ADCY7: variants seen among roughly 807,000 people sequenced by gnomAD.
ADCY7 encodes the protein adenylate cyclase type 7.
Under a neutral mutation model 120.6 loss-of-function variants are expected in ADCY7, and 72 were observed. That is an observed-to-expected ratio of 0.60 (90% CI 0.49 to 0.73). The LOEUF is 0.73. ADCY7 is among the 30% of genes least tolerant of loss of function. ADCY7 has a pLI of 0.00. For missense variants in ADCY7, 1,227 were observed against 1,486.0 expected, an observed-to-expected ratio of 0.83 and a Z score of 2.87; for synonymous variants, 661 against 628.0, an observed-to-expected ratio of 1.05 and a Z score of -0.78.
chr16:50,298,008 G>A (rs866286205), intron 7 of ADCY7, among the ~76,000 whole-genome samples: 3 of 151,978 alleles, frequency 2.0e-5, no homozygotes, highest in African/African-American at 7.2e-5. Flanking sequence ...ACGCAGCAGT[G>A]CCTCAGATGA....
At chr16:50,288,760 G>T (rs978652100) in intron 2 of ADCY7, among the ~76,000 whole-genome samples, 11 of 152,096 alleles carry the variant, frequency 7.2e-5, no homozygotes, top group Admixed American at 6.6e-4. Context: ...TTATAGACGT[G>T]AGCCACCATG....
chr16:50,270,969 C>A (rs2033533787), intron 1 of ADCY7, among the ~76,000 whole-genome samples: 1 of 152,208 alleles, frequency 6.6e-6, no homozygotes. Context: ...TGTCACCCGG[C>A]TTGCCATAGG....
intron 8 of ADCY7, 42 bp from the exon 9 acceptor site, chr16:50,300,673 G>A: frequency 6.5e-7 from 1 of 1,547,866 alleles, no homozygotes; most frequent in Non-Finnish European, 8.7e-7. Context: ...GCCTGTCCCA[G>A]GGCTTAGGCA....
chr16:50,281,550 C>T (rs1257719781), intron 1 of ADCY7, among the ~76,000 whole-genome samples: 1 of 152,244 alleles, frequency 6.6e-6, no homozygotes, highest in East Asian at 1.9e-4. Context: ...CCCTGCTCGG[C>T]CATTCACGTC....
chr16:50,298,041 C>T lies in ADCY7; in HGVS notation c.949-863C>T, dbSNP rs138659983. 2.5e-3 allele frequency among the ~76,000 whole-genome samples: 378 copies of T among 152,094 alleles called. 2 individuals carry two copies. Among genetic ancestry groups the T allele is most frequent in the African/African-American group, 8.6e-3 (357 of 41,482 alleles). ...TGAACCTCAGAGGGCTCTCGGGGGT[C>T]CCCTTCTCTCCCTGGGCCTTTTCCT... On this transcript the variant is annotated intron_variant, in intron 7 of 25. Coordinates refer to ENST00000673801, the MANE Select transcript of ADCY7 (RefSeq NM_001114.5).
chr16:50,270,713 C>T lies in ADCY7; in HGVS notation c.-269+4033C>T, dbSNP rs996770912. Among the ~76,000 whole-genome samples the T allele has an allele frequency of 3.3e-5, 5 of 152,176 alleles. No individual in the cohort carries two copies. The South Asian group carries it at 6.2e-4, about 19-fold the overall frequency. The stretch of plus-strand genomic sequence containing the variant: ...CAGCCTCCCTGTCACCTACATCCCT[C>T]GGACTAATCATTTTCTTTCTGTTCC... On this transcript the variant is annotated intron_variant, in intron 1 of 25. Coordinates refer to ENST00000673801, the MANE Select transcript of ADCY7 (RefSeq NM_001114.5).
chr16:50,313,176 G>T, intron 22 of ADCY7, 140 bp downstream of exon 22: 2 of 1,189,832 alleles, frequency 1.7e-6, no homozygotes, highest in Non-Finnish European at 2.3e-6. Context: ...CAGCACTTTG[G>T]GAGGTCAAGG....
intron 5 of ADCY7, 36 bp downstream of exon 5, chr16:50,292,861 C>T (rs752894494): frequency 1.9e-6 from 3 of 1,601,376 alleles, no homozygotes; most frequent in Admixed American, 3.4e-5. Flanking sequence ...CCTGTACACC[C>T]CTGTCCTCTT....
chr16:50,264,462 A>G (rs891796655), upstream of ADCY7, among the ~76,000 whole-genome samples: 1 of 152,184 alleles, frequency 6.6e-6, no homozygotes, highest in Non-Finnish European at 1.5e-5. Flanking sequence ...ACATGTACTC[A>G]TTTCTTTTGG....
chr16:50,285,248 C>T (rs989374107), intron 1 of ADCY7, among the ~76,000 whole-genome samples: 13 of 152,196 alleles, frequency 8.5e-5, no homozygotes, highest in African/African-American at 2.4e-4. Flanking sequence ...GGTTGCCCCT[C>T]GTTGAACAGG....
chr16:50,283,193 C>T lies in ADCY7; in HGVS notation c.-268-4719C>T, dbSNP rs188103590. On this transcript the variant is annotated intron_variant, in intron 1 of 25. Transcript: ENST00000673801. ...ATGTGGACTTTGAGACTCTTGGTTG[C>T]GAGTGACAGAAGCTCAAACTGGCTG... 2.3e-3 allele frequency among the ~76,000 whole-genome samples: 356 copies of T among 152,302 alleles called. 1 individual carries two copies. Among genetic ancestry groups the T allele is most frequent in the African/African-American group, 8.2e-3 (339 of 41,570 alleles).
Position 50,314,249 on chromosome 16 carries a change from G to A in ADCY7, c.2857-43G>A, listed in dbSNP as rs571515068. The A allele has an allele frequency of 1.0e-5, 16 of 1,589,104 alleles. No homozygotes were observed. In the Admixed American group the frequency reaches 1.3e-4, roughly 13 times the overall value. ...CGCGCCAGGGCCCACTAGGTCTGGG[G>A]GCTCTGGAGATGCAAGGATCTGACC... On this transcript the variant is annotated intron_variant, in intron 23 of 25. Coordinates refer to ENST00000673801, the MANE Select transcript of ADCY7 (RefSeq NM_001114.5).
At chr16:50,300,265 T>G (rs2035629062) in intron 8 of ADCY7, among the ~76,000 whole-genome samples, 1 of 152,052 alleles carries the variant, frequency 6.6e-6, no homozygotes, top group Admixed American at 6.5e-5. Context: ...GAGTCAGGGT[T>G]TTGCCATATT....
At chr16:50,298,417 C>T (rs534621044) in intron 7 of ADCY7, among the ~76,000 whole-genome samples, 2 of 152,320 alleles carry the variant, frequency 1.3e-5, no homozygotes, top group Admixed American at 6.5e-5. Flanking sequence ...CGCTGGCCTC[C>T]TGGGAACATC....
intron 1 of ADCY7, among the ~76,000 whole-genome samples, chr16:50,270,049 G>A (rs1192172201): frequency 6.6e-6 from 1 of 152,140 alleles, no homozygotes; most frequent in Admixed American, 6.5e-5. Context: ...ATATTAGCCA[G>A]CATGGTGGTG....
chr16:50,286,010 G>A, intron 1 of ADCY7, among the ~76,000 whole-genome samples: 1 of 152,146 alleles, frequency 6.6e-6, no homozygotes, highest in South Asian at 2.1e-4. Flanking sequence ...TTGTCACAAA[G>A]GGGCCACTGT....
chr16:50,309,285 T>A, intron 17 of ADCY7: 1 of 461,750 alleles, frequency 2.2e-6, no homozygotes, highest in Non-Finnish European at 3.9e-6. Flanking sequence ...CTGGGGAGGC[T>A]GAAAATGTTG....
intron 7 of ADCY7, among the ~76,000 whole-genome samples, chr16:50,295,054 A>G (rs1453250926): frequency 6.6e-6 from 1 of 152,164 alleles, no homozygotes; most frequent in African/African-American, 2.4e-5. Flanking sequence ...CTCCATCCTC[A>G]CTGGCAAGGC....
chr16:50,265,648 G>T (rs1195961180), upstream of ADCY7, among the ~76,000 whole-genome samples: 2 of 152,234 alleles, frequency 1.3e-5, no homozygotes, highest in African/African-American at 4.8e-5. Context: ...ATGGAGGAAG[G>T]TGCAGGGGTT....
Sources: allele counts gnomAD v4.1 joint callset (sites outside exome capture counted in the v4.1 genomes callset), GRCh38; gene constraint gnomAD v4.1.1; transcripts MANE v1.5; gene names NCBI Gene and HGNC (gene_info 2026-07-23, HGNC 2026-07-21).